The following AP3S2 variants were observed in gnomAD, a reference collection of about 807,000 sequenced individuals.
The protein encoded by AP3S2 is adaptor related protein complex 3 subunit sigma 2, also known as AP-3 complex subunit sigma-2.
AP3S2 carries 22 observed loss-of-function variants against 23.4 expected under a neutral mutation model. That is an observed-to-expected ratio of 0.94 (90% CI 0.67 to 1.34). The LOEUF (loss-of-function observed/expected upper bound fraction) is 1.34. AP3S2 is among the 40% of genes most tolerant of loss of function. The pLI, the probability that AP3S2 is intolerant of heterozygous loss-of-function variation, is 0.00. For missense variants in AP3S2, 241 were observed against 236.9 expected (o/e 1.02, Z -0.11); for synonymous variants, 86 against 87.1 (o/e 0.99, Z 0.07).
chr15:89,883,815 G>A (rs1208392040), intron 3 of AP3S2: 3 of 152,148 alleles, frequency 2.0e-5, no homozygotes. Flanking sequence ...AAGGGGAAAG[G>A]GGAAGAAGGA....
In AP3S2 at chr15:89,871,517, G is replaced by A. The variant is rs757603423; in HGVS notation, c.303C>T (p.Phe101=). 18 of 1,613,432 alleles carry A rather than the reference G, an allele frequency of 1.1e-5. No homozygotes were observed. Among genetic ancestry groups the A allele is most frequent in the Admixed American group, 3.3e-5 (2 of 59,946 alleles). ...QVFVETLDKC[F]ENVCELDLIF... is the part of the protein sequence containing the mutation. ...TCAAATCCAATTCACACACATTTTC[G>A]AAACACTTATCCAGAGTTTCCACAA... is the stretch of plus-strand genomic sequence containing the variant. Residue 101 remains phenylalanine (F), a synonymous_variant, in exon 4 of 6, where the codon TTC becomes TTT. Coordinates refer to ENST00000336418, the MANE Select transcript of AP3S2 (RefSeq NM_005829.5).
chr15:89,860,699 T>G (rs963027508), intron 4 of AP3S2, among the ~76,000 whole-genome samples: 1 of 152,132 alleles, frequency 6.6e-6, no homozygotes, highest in Non-Finnish European at 1.5e-5. Context: ...GTATGTAAGA[T>G]AATAAATTTC....
At chr15:89,871,363 A>T in intron 4 of AP3S2, 112 bp downstream of exon 4, 1 of 992,440 alleles carries the variant, frequency 1.0e-6, no homozygotes, top group Non-Finnish European at 1.5e-6. Flanking sequence ...GGACTATCTT[A>T]AGAGTAAAAA....
chr15:89,853,630 C>A (rs1436485895), intron 4 of AP3S2, among the ~76,000 whole-genome samples: 1 of 143,850 alleles, frequency 7.0e-6, no homozygotes, highest in Non-Finnish European at 1.5e-5. Flanking sequence ...TGAGGAGCGT[C>A]TCCGCCCGGC....
At chr15:89,878,469 C>T (rs1032853085) in intron 3 of AP3S2, among the ~76,000 whole-genome samples, 1 of 152,184 alleles carries the variant, frequency 6.6e-6, no homozygotes, top group Admixed American at 6.5e-5. Context: ...ACCAAAGATA[C>T]GCAGCCTCAC....
At chr15:89,851,500 G>A (rs934612146) in intron 4 of AP3S2, among the ~76,000 whole-genome samples, 2 of 152,052 alleles carry the variant, frequency 1.3e-5, no homozygotes, top group Non-Finnish European at 1.5e-5. Context: ...CACCACGCCT[G>A]GCTAATTTTT....
At chr15:89,855,945 T>TAAAAAAAAAAA (rs34784306) in intron 4 of AP3S2, among the ~76,000 whole-genome samples, 2 of 111,986 alleles carry the variant, frequency 1.8e-5, no homozygotes, top group Non-Finnish European at 3.5e-5. Flanking sequence ...ATATGTCCTT[T>TAAAAAAAAAAA]AAAAAAAAAA....
intron 3 of AP3S2, among the ~76,000 whole-genome samples, chr15:89,881,036 TA>T (rs1896558565): frequency 6.6e-6 from 1 of 152,186 alleles, no homozygotes; most frequent in African/African-American, 2.4e-5. Flanking sequence ...GTCCAAGGAT[TA>T]AAATTCGAGC....
At chr15:89,840,333 T>A (rs1035579301) in intron 4 of AP3S2, among the ~76,000 whole-genome samples, 2 of 152,230 alleles carry the variant, frequency 1.3e-5, no homozygotes, top group Admixed American at 6.5e-5. Flanking sequence ...GTAGTACTTG[T>A]TGAGTATCTA....
chr15:89,891,989 T>C (rs766067921), intron 1 of AP3S2, among the ~76,000 whole-genome samples: 14 of 152,172 alleles, frequency 9.2e-5, no homozygotes, highest in Non-Finnish European at 1.8e-4. Context: ...AATATCAACT[T>C]ATAAATTGAC....
rs140299432 is a variant in AP3S2, at chr15:89,869,785, G to A, written c.345+1690C>T. Among the ~76,000 whole-genome samples, 1,289 of 150,394 alleles carry A rather than the reference G, an allele frequency of 8.6e-3. 29 individuals are homozygous for A. Among genetic ancestry groups the A allele is most frequent in the African/African-American group, 0.03 (1,214 of 40,918 alleles). ...TTTTTTTTTTTTGAGACACAGTCTC[G>A]CTCTGTTGCCCAGGCTGGAGAGCAG... On this transcript the variant is annotated intron_variant, in intron 4 of 5. Coordinates refer to ENST00000336418, the MANE Select transcript of AP3S2 (RefSeq NM_005829.5).
At chr15:89,871,369 A>G (rs558258816) in intron 4 of AP3S2, 106 bp downstream of exon 4, 16 of 983,720 alleles carry the variant, frequency 1.6e-5, no homozygotes, top group South Asian at 5.6e-5. Context: ...TCTTAAGAGT[A>G]AAAAAAAACA....
chr15:89,889,202 G>T, intron 1 of AP3S2, 62 bp from the exon 2 acceptor site: 1 of 1,576,586 alleles, frequency 6.3e-7, no homozygotes, highest in East Asian at 2.2e-5. Flanking sequence ...CCCATCCATG[G>T]GGATGGACAA....
intron 4 of AP3S2, chr15:89,848,928 G>A (rs1895566131): frequency 6.6e-6 from 1 of 152,152 alleles, no homozygotes; most frequent in Non-Finnish European, 1.5e-5. Flanking sequence ...GTAGTATTGA[G>A]GACCTGGTAC....
intron 4 of AP3S2, among the ~76,000 whole-genome samples, chr15:89,838,881 GTC>G (rs947695421): frequency 6.6e-5 from 10 of 152,130 alleles, no homozygotes; most frequent in Non-Finnish European, 1.5e-4. Flanking sequence ...GAGCTCCTGG[GTC>G]TGGCTGGGAT....
Position 89,835,487 on chromosome 15 carries a change from G to A in AP3S2, c.*28C>T. The A allele has an allele frequency of 6.2e-7, 1 of 1,610,722 alleles. No homozygotes were observed. The highest frequency in any genetic ancestry group is 8.5e-7 in the Non-Finnish European group (1 of 1,179,342). ...CTTGCTTGTCTTTGCTTGTCTTAAG[G>A]ACTCTATTTCAGGCCAATACTTGAT... is the stretch of plus-strand genomic sequence containing the variant. On this transcript the variant is annotated 3_prime_UTR_variant, in exon 6 of 6. Transcript: ENST00000336418.
At chr15:89,878,012 G>A (rs1896483347) in intron 3 of AP3S2, among the ~76,000 whole-genome samples, 1 of 152,108 alleles carries the variant, frequency 6.6e-6, no homozygotes, top group Non-Finnish European at 1.5e-5. Flanking sequence ...TGAACATAAA[G>A]TGCTGTAGGT....
chr15:89,875,357 G>A (rs1237322880), intron 3 of AP3S2, among the ~76,000 whole-genome samples: 1 of 152,178 alleles, frequency 6.6e-6, no homozygotes, highest in Non-Finnish European at 1.5e-5. Context: ...CAGATAGTGG[G>A]TGGAAAAAGA....
rs180895211 is a variant in AP3S2, at chr15:89,831,668, G to C, written c.*3847C>G. 6.6e-6 allele frequency: 1 copy of C among 152,308 alleles called. No homozygotes were observed. The highest frequency in any genetic ancestry group is 1.5e-5 in the Non-Finnish European group (1 of 68,100). 9.4% of individuals were successfully genotyped at this position (152,308 alleles called of 1,614,324 possible). On this transcript the variant is annotated 3_prime_UTR_variant, in exon 6 of 6. Transcript: ENST00000336418. ...TCTGGCGAAGCTGGGCCCAGAGAGC[G>C]TTTTACTAAGTGGGCTCCATGGTAG...
Sources: allele counts gnomAD v4.1 joint callset (sites outside exome capture counted in the v4.1 genomes callset), GRCh38; gene constraint gnomAD v4.1.1; transcripts MANE v1.5; gene names NCBI Gene and HGNC (gene_info 2026-07-23, HGNC 2026-07-21).